POC1B: variants seen among roughly 807,000 people sequenced by gnomAD.
POC1B encodes POC1 centriolar protein homolog B.
A neutral mutation model predicts 60.6 loss-of-function variants in POC1B; 44 were observed. The observed-to-expected ratio is 0.73, with a 90% CI of 0.57 to 0.93. POC1B has a LOEUF of 0.93. Among genes scored for constraint, POC1B ranks in the 40% least tolerant of loss-of-function variants. The probability of loss-of-function intolerance (pLI) is 0.00; values close to 1 mark genes in which losing one functional copy is unlikely to be tolerated. For synonymous variants in POC1B, 180 were observed against 198.9 expected (o/e 0.90, Z 0.80); for missense variants, 555 against 572.3 (o/e 0.97, Z 0.31).
At chr12:89,419,024 A>G (rs1277527514), downstream of POC1B, among the ~76,000 whole-genome samples, 3 of 152,046 alleles carry the variant, frequency 2.0e-5, no homozygotes, top group Non-Finnish European at 1.5e-5. Context: ...AAATGTCCTG[A>G]AGGAATGAAC....
intron 2 of POC1B, chr12:89,523,884 G>A (rs1408793456): frequency 2.5e-6 from 4 of 1,575,828 alleles, no homozygotes; most frequent in Non-Finnish European, 3.4e-6. Context: ...GGAAAGTGAG[G>A]ACGTCCCCAG....
intron 10 of POC1B, among the ~76,000 whole-genome samples, chr12:89,438,103 C>A (rs927078481): frequency 6.6e-6 from 1 of 151,756 alleles, no homozygotes; most frequent in Non-Finnish European, 1.5e-5. Flanking sequence ...TTTTCTCACC[C>A]TTCCCTCTAC....
intron 2 of POC1B, among the ~76,000 whole-genome samples, chr12:89,504,009 G>T (rs1217248151): frequency 1.3e-5 from 2 of 150,502 alleles, no homozygotes; most frequent in Non-Finnish European, 3.0e-5. Flanking sequence ...CTGCCCGGCC[G>T]CCGCCCCATC....
chr12:89,411,924 G>C, the POC1B span, among the ~76,000 whole-genome samples: 1 of 152,164 alleles, frequency 6.6e-6, no homozygotes, highest in African/African-American at 2.4e-5. Flanking sequence ...ATTCAATCCA[G>C]GTGTGGAAAT....
chr12:89,514,398 A>ATTTTTT (rs1592641848), intron 2 of POC1B, among the ~76,000 whole-genome samples: 15 of 37,850 alleles, frequency 4.0e-4, no homozygotes, highest in East Asian at 1.7e-3. Flanking sequence ...AGTTTCATGT[A>ATTTTTT]TTTCTTTTTT....
At position 89,525,626 on chromosome 12, in the gene POC1B, C is replaced by G. The variant is rs1007762047; in HGVS notation, c.15+255G>C. 7 of 1,281,396 alleles carry G rather than the reference C, an allele frequency of 5.5e-6. No individual in the cohort carries two copies. The Admixed American group carries it at 1.5e-4, about 27-fold the overall frequency. The allele number at this position is 1,281,396 out of a possible 1,614,324, so 79.4% of individuals were successfully genotyped here. ...GGAAACCCTCCGAGAATTCTGGGGG[C>G]CGTGGGGCCGCCCAGCTCAGTCCGG... On this transcript the variant is annotated intron_variant, in intron 1 of 11. Transcript: ENST00000313546.
At chr12:89,439,012 A>G (rs1881398835) in intron 10 of POC1B, among the ~76,000 whole-genome samples, 2 of 152,198 alleles carry the variant, frequency 1.3e-5, no homozygotes, top group Non-Finnish European at 2.9e-5. Context: ...CCCAGGGATT[A>G]TCTTTGCTAA....
At chr12:89,437,678 T>C (rs1255895167) in intron 10 of POC1B, among the ~76,000 whole-genome samples, 1 of 151,978 alleles carries the variant, frequency 6.6e-6, no homozygotes, top group Non-Finnish European at 1.5e-5. Context: ...ATATCATTAT[T>C]ATTGAACTTG....
chr12:89,430,157 T>C (rs914268456), intron 10 of POC1B, among the ~76,000 whole-genome samples: 1 of 152,154 alleles, frequency 6.6e-6, no homozygotes, highest in Non-Finnish European at 1.5e-5. Flanking sequence ...GAAATCCTTA[T>C]CTATATAGGT....
chr12:89,522,733 T>G, intron 2 of POC1B: 1 of 1,495,816 alleles, frequency 6.7e-7, no homozygotes, highest in Non-Finnish European at 8.9e-7. Context: ...TAAAATAAAA[T>G]ACAATCTTCA....
chr12:89,428,291 C>T (rs1880860867), intron 10 of POC1B: 1 of 152,298 alleles, frequency 6.6e-6, no homozygotes, highest in African/African-American at 2.4e-5. Flanking sequence ...TTCTTGACCT[C>T]CAAATTTCAG....
the POC1B span, among the ~76,000 whole-genome samples, chr12:89,401,523 TTTC>T: frequency 6.6e-6 from 1 of 152,074 alleles, no homozygotes; most frequent in Non-Finnish European, 1.5e-5. Flanking sequence ...GATTTTTCTT[TTTC>T]TTCTTCTTTA....
chr12:89,524,976 G>C (rs1273012599), intron 2 of POC1B, 144 bp downstream of exon 2: 1 of 1,288,856 alleles, frequency 7.8e-7, no homozygotes, highest in Non-Finnish European at 1.1e-6. Context: ...GCGCCCCGCC[G>C]CGCTGGGCCC....
downstream of POC1B, among the ~76,000 whole-genome samples, chr12:89,416,451 G>A (rs1232132158): frequency 1.3e-5 from 2 of 152,090 alleles, no homozygotes; most frequent in Non-Finnish European, 2.9e-5. Flanking sequence ...GTGGGGGAAG[G>A]GATAAAGAAT....
At chr12:89,522,586 C>G (rs1452223333) in intron 2 of POC1B, 1 of 428,204 alleles carries the variant, frequency 2.3e-6, no homozygotes, top group Non-Finnish European at 4.0e-6. Context: ...TGACAAAACT[C>G]TTATATAAAA....
At chr12:89,501,864 C>T in intron 2 of POC1B, 1 of 1,189,338 alleles carries the variant, frequency 8.4e-7, no homozygotes, top group East Asian at 2.3e-5. Context: ...CAACTAAAGA[C>T]AGCCAAAGAG....
intron 4 of POC1B, among the ~76,000 whole-genome samples, chr12:89,474,030 C>A (rs907657296): frequency 1.3e-5 from 2 of 151,944 alleles, no homozygotes; most frequent in African/African-American, 4.8e-5. Context: ...CATGGTGAAA[C>A]CCCATGTCTA....
chr12:89,503,732 C>T (rs1240647655), intron 2 of POC1B, among the ~76,000 whole-genome samples: 1 of 149,588 alleles, frequency 6.7e-6, no homozygotes, highest in Admixed American at 6.6e-5. Context: ...CCGGCCGCCC[C>T]GTCTGAGAAG....
chr12:89,456,660 A>C (rs908468819), intron 10 of POC1B, among the ~76,000 whole-genome samples: 10 of 152,158 alleles, frequency 6.6e-5, no homozygotes, highest in Non-Finnish European at 1.5e-4. Context: ...TTTTTTTAAC[A>C]ATAAAGCTTT....
Sources: allele counts gnomAD v4.1 joint callset (sites outside exome capture counted in the v4.1 genomes callset), GRCh38; gene constraint gnomAD v4.1.1; transcripts MANE v1.5; gene names NCBI Gene and HGNC (gene_info 2026-07-23, HGNC 2026-07-21).